FAM13B: variants seen among roughly 807,000 people sequenced by gnomAD.
FAM13B encodes the protein protein FAM13B.
A neutral mutation model predicts 117.3 loss-of-function variants in FAM13B; 60 were observed. The observed-to-expected ratio is 0.51, with a 90% CI of 0.42 to 0.63. FAM13B has a LOEUF of 0.63. Ranked by LOEUF, FAM13B falls within the 30% of genes least tolerant of loss-of-function variation. The pLI, the probability that FAM13B is intolerant of heterozygous loss-of-function variation, is 0.00. For missense variants in FAM13B, 972 were observed against 1,091.9 expected (o/e 0.89, Z 1.55); for synonymous variants, 332 against 356.1 (o/e 0.93, Z 0.76).
At chr5:137,996,655 A>C (rs775974688) in intron 7 of FAM13B, among the ~76,000 whole-genome samples, 3 of 151,888 alleles carry the variant, frequency 2.0e-5, no homozygotes, top group Non-Finnish European at 2.9e-5. Context: ...TGCAATGTGC[A>C]ATCTCAGCTC....
chr5:138,027,710 A>G (rs1788810896), intron 1 of FAM13B, among the ~76,000 whole-genome samples: 1 of 152,280 alleles, frequency 6.6e-6, no homozygotes, highest in Admixed American at 6.5e-5. Context: ...TTGATCAGTG[A>G]TACGGTTTGG....
rs1238830942 is a variant in FAM13B at position 137,949,118 on chromosome 5, G to C, written c.1997C>G (p.Pro666Arg). The change falls in exon 18 of 24, where the codon CCA becomes CGA. Residue 666 changes from proline (P) to arginine (R), a missense_variant. Transcript: ENST00000689681. ...PQTRPRSNTL[P>R]KSFGSSLDHE... ...GTCTAGAGAAGAGCCAAAGCTTTTT[G>C]GAAGTGTGTTACTACGTGGACGTGT... 1 of 1,614,080 alleles carries C rather than the reference G, an allele frequency of 6.2e-7. No homozygotes were observed. Among genetic ancestry groups the C allele is most frequent in the East Asian group, 2.2e-5 (1 of 44,866 alleles).
intron 10 of FAM13B, among the ~76,000 whole-genome samples, chr5:137,969,812 T>C (rs896813097): frequency 2.0e-5 from 3 of 152,106 alleles, no homozygotes; most frequent in Admixed American, 6.5e-5. Flanking sequence ...ACGTGAAGAA[T>C]GCAGAAGCCT....
At chr5:137,987,208 G>A (rs995062213) in intron 9 of FAM13B, among the ~76,000 whole-genome samples, 4 of 151,808 alleles carry the variant, frequency 2.6e-5, no homozygotes, top group African/African-American at 4.8e-5. Flanking sequence ...TTCATTCGAT[G>A]TTCAGGGGAA....
In FAM13B at chr5:138,033,057, C is replaced by T. The variant is rs904919206; in HGVS notation, c.-478G>A. ...CGGCTGAGGTGCAGAGCCTCCCTAA[C>T]GGCGAGCGGGAGGAGAGCGGCTGGC... On this transcript the variant is annotated 5_prime_UTR_variant, in exon 1 of 24. Coordinates refer to ENST00000689681, the MANE Select transcript of FAM13B (RefSeq NM_001385994.1). The T allele has an allele frequency of 2.1e-5, 21 of 983,334 alleles. No individual in the cohort carries two copies. The highest frequency in any genetic ancestry group is 5.2e-4 in the Middle Eastern group (1 of 1,936). 60.9% of individuals were successfully genotyped at this position (983,334 alleles called of 1,614,324 possible). A position where few individuals can be genotyped will look rare whatever the true frequency, so the allele number is the denominator to read the frequency against.
intron 9 of FAM13B, among the ~76,000 whole-genome samples, chr5:137,987,118 G>C (rs1222208138): frequency 6.6e-6 from 1 of 152,074 alleles, no homozygotes; most frequent in Non-Finnish European, 1.5e-5. Context: ...GTAACTGTCT[G>C]TCTAGATCAC....
At chr5:137,987,415 A>T (rs1440870958) in intron 9 of FAM13B, 46 bp downstream of exon 9, 8 of 1,508,090 alleles carry the variant, frequency 5.3e-6, no homozygotes, top group Non-Finnish European at 7.2e-6. Flanking sequence ...TTTTAAGATA[A>T]AACAATTTTA....
chr5:137,941,614 T>C (rs1480334437), intron 23 of FAM13B, among the ~76,000 whole-genome samples: 2 of 152,202 alleles, frequency 1.3e-5, no homozygotes, highest in Non-Finnish European at 2.9e-5. Flanking sequence ...ACTCCTGTCA[T>C]GGGATCCTTT....
intron 4 of FAM13B, 74 bp downstream of exon 4, chr5:138,018,228 G>T: frequency 8.4e-7 from 1 of 1,193,330 alleles, no homozygotes; most frequent in Non-Finnish European, 1.2e-6. Context: ...CTGTTTACAT[G>T]TCAAGATTTC....
chr5:137,959,338 A>C (rs1243217844), intron 13 of FAM13B, among the ~76,000 whole-genome samples: 3 of 152,186 alleles, frequency 2.0e-5, no homozygotes, highest in Non-Finnish European at 4.4e-5. Flanking sequence ...TATTAACAAA[A>C]ACGTATGCTG....
At chr5:138,009,042 C>T (rs1385906579) in intron 6 of FAM13B, among the ~76,000 whole-genome samples, 2 of 152,156 alleles carry the variant, frequency 1.3e-5, no homozygotes, top group African/African-American at 4.8e-5. Context: ...ACTTGGAAGG[C>T]TGAAACAGAA....
intron 1 of FAM13B, among the ~76,000 whole-genome samples, chr5:138,022,489 G>A (rs1787025456): frequency 6.6e-6 from 1 of 152,162 alleles, no homozygotes; most frequent in Non-Finnish European, 1.5e-5. Flanking sequence ...ACACCTCCAG[G>A]AGAAACATTA....
At chr5:137,953,210 A>T in intron 16 of FAM13B, 126 bp downstream of exon 16, 1 of 1,010,038 alleles carries the variant, frequency 9.9e-7, no homozygotes, top group Non-Finnish European at 1.5e-6. Context: ...CTACATGATC[A>T]CTGTTCCTCC....
In FAM13B at chr5:138,022,667, A is replaced by G. The variant is rs978941893; in HGVS notation, c.-202-1470T>C. On this transcript the variant is annotated intron_variant, in intron 1 of 23. Transcript: ENST00000689681. ...GAGATAAGTTATTTAACAGACTTAC[A>G]CTAAAAGTCAAGCTGATATCCTCAT... 2.0e-5 allele frequency among the ~76,000 whole-genome samples: 3 copies of G among 152,318 alleles called. No homozygotes were observed. In the South Asian group the frequency reaches 6.2e-4, roughly 32 times the overall value.
chr5:137,975,902 T>TA (rs36052271), intron 10 of FAM13B, among the ~76,000 whole-genome samples: 9,653 of 150,142 alleles, frequency 0.064, 363 homozygotes, highest in South Asian at 0.11. Context: ...CTCCATCCTG[T>TA]ATCAAGAAAG....
At position 137,953,353 on chromosome 5, in the gene FAM13B, T is replaced by G. The variant is rs774065049; in HGVS notation, c.1831A>C (p.Arg611=). The G allele has an allele frequency of 6.2e-7, 1 of 1,614,016 alleles. No individual in the cohort carries two copies. Among genetic ancestry groups the G allele is most frequent in the South Asian group, 1.1e-5 (1 of 91,070 alleles). Residue 611 remains arginine, a synonymous_variant, in exon 16 of 24, where the codon AGG becomes CGG. Transcript: ENST00000689681. ...AAACCTACCTTGCTATTTCTTTCCC[T>G]TTCAAACTGTTCCTCAAATTGTCTG... ...KIRQFEEQFE[R]ERNSKPSYSD...
At chr5:138,012,809 T>C (rs562213541) in intron 4 of FAM13B, among the ~76,000 whole-genome samples, 1 of 152,268 alleles carries the variant, frequency 6.6e-6, no homozygotes, top group African/African-American at 2.4e-5. Context: ...GAAAAACTCC[T>C]GGTAAAAGGT....
intron 2 of FAM13B, among the ~76,000 whole-genome samples, chr5:138,020,289 A>C (rs967913834): frequency 6.6e-6 from 1 of 152,026 alleles, no homozygotes; most frequent in Non-Finnish European, 1.5e-5. Context: ...TGAACTCCTG[A>C]CCTCATGTGA....
intron 17 of FAM13B, 57 bp downstream of exon 17, chr5:137,952,571 A>G: frequency 9.3e-7 from 1 of 1,073,512 alleles, no homozygotes; most frequent in Non-Finnish European, 1.4e-6. Flanking sequence ...ATTCTCAGAC[A>G]TTAATATAAA....
Sources: gnomAD v4.1 joint callset for allele counts (sites outside exome capture counted in the v4.1 genomes callset) on GRCh38, gnomAD v4.1.1 for gene constraint, MANE v1.5 for transcripts, NCBI Gene and HGNC (gene_info 2026-07-23, HGNC 2026-07-21) for gene names.